The following ROR2 variants were observed in gnomAD, a reference collection of about 807,000 sequenced individuals.
The protein encoded by ROR2 is tyrosine-protein kinase transmembrane receptor ROR2.
In ROR2, 33 loss-of-function variants were observed where a neutral mutation model predicts 74.9. The ratio of observed to expected loss-of-function variants is 0.44; its 90% CI spans 0.33 to 0.59. The LOEUF (loss-of-function observed/expected upper bound fraction) is 0.59, where lower values mean the gene tolerates loss of function less well. Ranked by LOEUF, ROR2 falls within the 20% of genes least tolerant of loss-of-function variation. The pLI is 0.02. For synonymous variants in ROR2, 586 were observed against 558.7 expected (o/e 1.05, Z -0.69); for missense variants, 1,216 against 1,313.8 (o/e 0.93, Z 1.15).
intron 1 of ROR2, among the ~76,000 whole-genome samples, chr9:91,945,653 A>T (rs1192417636): frequency 1.3e-5 from 2 of 152,116 alleles, no homozygotes; most frequent in East Asian, 3.8e-4. Flanking sequence ...TTTTTCAGAG[A>T]TAGGACTTAA....
intron 1 of ROR2, among the ~76,000 whole-genome samples, chr9:91,848,756 G>C (rs1350061740): frequency 7.7e-6 from 1 of 129,052 alleles, no homozygotes; most frequent in Admixed American, 8.7e-5. Flanking sequence ...CTCCGTCTCA[G>C]GGGGGAAGAA....
intron 1 of ROR2, among the ~76,000 whole-genome samples, chr9:91,828,237 A>G (rs547954182): frequency 2.0e-5 from 3 of 152,334 alleles, no homozygotes; most frequent in South Asian, 4.1e-4. Context: ...CAGCACCTGC[A>G]TATTTTTGAT....
chr9:91,830,697 G>C (rs1194547814), intron 1 of ROR2, among the ~76,000 whole-genome samples: 4 of 151,678 alleles, frequency 2.6e-5, no homozygotes, highest in Non-Finnish European at 5.9e-5. Context: ...AAAAAGATAA[G>C]AAAGAATTAT....
At chr9:91,913,028 C>G (rs910926712) in intron 1 of ROR2, among the ~76,000 whole-genome samples, 1 of 152,152 alleles carries the variant, frequency 6.6e-6, no homozygotes, top group African/African-American at 2.4e-5. Context: ...ACTTGGGAGG[C>G]TGAGGCAGGA....
At chr9:91,725,576 TTTTTGTCTTGGCAA>T (rs1289184785) in intron 8 of ROR2, among the ~76,000 whole-genome samples, 1 of 152,168 alleles carries the variant, frequency 6.6e-6, no homozygotes, top group Non-Finnish European at 1.5e-5. Flanking sequence ...TCCCACGACA[TTTTTGTCTTGGCAA>T]TTTTGTCACT....
intron 1 of ROR2, among the ~76,000 whole-genome samples, chr9:91,801,529 C>T (rs934989236): frequency 2.6e-5 from 4 of 152,226 alleles, no homozygotes; most frequent in South Asian, 4.1e-4. Context: ...GACGGGATTT[C>T]GCCATGTTGG....
At chr9:91,828,960 T>C (rs796292695) in intron 1 of ROR2, among the ~76,000 whole-genome samples, 4 of 152,316 alleles carry the variant, frequency 2.6e-5, no homozygotes, top group African/African-American at 9.6e-5. Context: ...AAGTGGGAGA[T>C]TAATTTCTTA....
chr9:91,933,666 A>G (rs1831609372), intron 1 of ROR2, among the ~76,000 whole-genome samples: 1 of 152,260 alleles, frequency 6.6e-6, no homozygotes, highest in African/African-American at 2.4e-5. Flanking sequence ...CACTGTGTAT[A>G]AAAACAAAGA....
In ROR2 at chr9:91,940,316, G is replaced by C. The variant is rs557043522; in HGVS notation, c.97+9551C>G. On this transcript the variant is annotated intron_variant, in intron 1 of 8. Transcript: ENST00000375708. ...AGGCTGTCTGGGGACTGTTAAGTAG[G>C]CCGGGGGAAATGAAACGAAATGAAC... Among the ~76,000 whole-genome samples, 14 of 152,350 alleles carry C rather than the reference G, an allele frequency of 9.2e-5. No homozygotes were observed. The South Asian group carries it at 2.9e-3, about 32-fold the overall frequency.
chr9:91,877,024 CTCCAAGCA>C (rs1829977277), intron 1 of ROR2, among the ~76,000 whole-genome samples: 1 of 152,090 alleles, frequency 6.6e-6, no homozygotes, highest in African/African-American at 2.4e-5. Flanking sequence ...CCCAAAACCC[CTCCAAGCA>C]AAAACAAGTC....
chr9:91,739,100 G>A (rs1173027735), intron 4 of ROR2, among the ~76,000 whole-genome samples: 3 of 152,206 alleles, frequency 2.0e-5, no homozygotes, highest in Non-Finnish European at 4.4e-5. Flanking sequence ...AGCACCTCAA[G>A]CCTGTAGCTT....
At chr9:91,894,147 C>CCT (rs1381035238) in intron 1 of ROR2, among the ~76,000 whole-genome samples, 1 of 152,196 alleles carries the variant, frequency 6.6e-6, no homozygotes, top group Non-Finnish European at 1.5e-5. Context: ...CCAGCACCCA[C>CCT]CTCTAGGTTC....
At chr9:91,735,945 A>G (rs6479371) in intron 5 of ROR2, among the ~76,000 whole-genome samples, 147,413 of 152,226 alleles carry the variant, frequency 0.97, 71,468 homozygotes, top group African/African-American at 0.99. Context: ...TAAAACTGAA[A>G]AGAAAAATCC....
At chr9:91,855,201 G>A (rs921428556) in intron 1 of ROR2, among the ~76,000 whole-genome samples, 2 of 152,136 alleles carry the variant, frequency 1.3e-5, no homozygotes, top group Admixed American at 1.3e-4. Context: ...CTCAATGCTC[G>A]CAGGCTGGAG....
At chr9:91,796,025 G>A (rs796914000) in intron 1 of ROR2, among the ~76,000 whole-genome samples, 1 of 152,186 alleles carries the variant, frequency 6.6e-6, no homozygotes, top group Non-Finnish European at 1.5e-5. Flanking sequence ...AAGATCCCCA[G>A]GCTGGAGGAG....
chr9:91,913,108 AAC>A (rs1237495637), intron 1 of ROR2, among the ~76,000 whole-genome samples: 2 of 152,222 alleles, frequency 1.3e-5, no homozygotes, highest in Non-Finnish European at 2.9e-5. Context: ...CAGCCTGAGC[AAC>A]AGAGTGAGAG....
At chr9:91,884,024 C>G (rs1489622529) in intron 1 of ROR2, among the ~76,000 whole-genome samples, 5 of 152,176 alleles carry the variant, frequency 3.3e-5, no homozygotes, top group African/African-American at 9.7e-5. Context: ...CACTCACCAT[C>G]CTACCACGGA....
At chr9:91,879,548 A>G (rs1291044277) in intron 1 of ROR2, among the ~76,000 whole-genome samples, 5 of 151,978 alleles carry the variant, frequency 3.3e-5, no homozygotes, top group South Asian at 2.1e-4. Flanking sequence ...TGCAGAGGCA[A>G]TAACTTCAGC....
At chr9:91,828,928 T>C (rs896492596) in intron 1 of ROR2, among the ~76,000 whole-genome samples, 1 of 152,198 alleles carries the variant, frequency 6.6e-6, no homozygotes, top group Non-Finnish European at 1.5e-5. Context: ...GGTATAGACA[T>C]TAATTAACAT....
Sources: gnomAD v4.1 joint callset for allele counts (sites outside exome capture counted in the v4.1 genomes callset) on GRCh38, gnomAD v4.1.1 for gene constraint, MANE v1.5 for transcripts, NCBI Gene and HGNC (gene_info 2026-07-23, HGNC 2026-07-21) for gene names.